Variants in PISD observed in about 807,000 individuals in gnomAD.
PISD encodes the protein phosphatidylserine decarboxylase.
Under a neutral mutation model 43.5 loss-of-function variants are expected in PISD, and 31 were observed. The observed-to-expected ratio is 0.71, with a 90% CI of 0.54 to 0.96. The LOEUF is 0.96. Among genes scored for constraint, PISD ranks in the 40% least tolerant of loss-of-function variants. The probability of loss-of-function intolerance (pLI) is 0.00; values close to 1 mark genes in which losing one functional copy is unlikely to be tolerated. For synonymous variants in PISD, 259 were observed against 228.7 expected (o/e 1.13, Z -1.20); for missense variants, 523 against 548.4 (o/e 0.95, Z 0.46).
chr22:31,641,099 C>T (rs1235545758), intron 3 of PISD, among the ~76,000 whole-genome samples: 1 of 150,170 alleles, frequency 6.7e-6, no homozygotes, highest in Non-Finnish European at 1.5e-5. Context: ...GTTGGTCGGG[C>T]TGGTCTTAAC....
intron 3 of PISD, chr22:31,625,890 G>A (rs973703476): frequency 1.7e-5 from 26 of 1,545,968 alleles, no homozygotes; most frequent in African/African-American, 4.1e-5. Context: ...CCCTTCCCCC[G>A]AGCCAGCAGA....
At chr22:31,626,116 CCA>C in intron 3 of PISD, 4 of 1,135,108 alleles carry the variant, frequency 3.5e-6, no homozygotes, top group Non-Finnish European at 4.7e-6. Flanking sequence ...CCCACTGTCC[CCA>C]GTCCTGGCCA....
At position 31,630,752 on chromosome 22, in the gene PISD, G is replaced by T. The variant is rs555615318; in HGVS notation, c.322-8867C>A. 1.7e-5 allele frequency: 17 copies of T among 985,602 alleles called. No homozygotes were observed. The South Asian group carries it at 8.0e-4, about 46-fold the overall frequency. 61.1% of individuals were successfully genotyped at this position (985,602 alleles called of 1,614,324 possible). ...CGGGCAGGGTGGGGCGCCTCCCTGA[G>T]AAGTCACCTGGGGCTCCCGGCAGGG... On this transcript the variant is annotated intron_variant, in intron 3 of 7. Transcript: ENST00000439502. The surrounding 1 kb of genome is among the most constrained non-coding windows in gnomAD (Gnocchi z 4.4).
Position 31,648,160 on chromosome 22 carries a change from C to G in PISD, c.262G>C (p.Glu88Gln). The G allele has an allele frequency of 6.2e-7, 1 of 1,612,608 alleles. No individual in the cohort carries two copies. The highest frequency in any genetic ancestry group is 8.5e-7 in the Non-Finnish European group (1 of 1,179,846). Residue 88 changes from glutamate to glutamine, a missense_variant, in exon 3 of 8, where the codon GAG (glutamate) becomes CAG (glutamine). Glu to Gln is a conservative substitution (Grantham distance 29, BLOSUM62 2). Transcript: ENST00000439502. ...AATCCCAGCTTCTCCAGCTCTCGCT[C>G]CCTGTACTTCTCATACTGCCGGTAC... ...AGYRQYEKYR[E>Q]RELEKLGLEI...
rs935949432 is a variant in PISD at position 31,619,260 on chromosome 22, A to C, written c.*352T>G. 1 of 354,660 alleles carries C rather than the reference A, an allele frequency of 2.8e-6. No individual in the cohort carries two copies. The highest frequency in any genetic ancestry group is 2.1e-5 in the African/African-American group (1 of 46,910). 22.0% of individuals were successfully genotyped at this position (354,660 alleles called of 1,614,324 possible). A position where few individuals can be genotyped will look rare whatever the true frequency, so the allele number is the denominator to read the frequency against. On this transcript the variant is annotated 3_prime_UTR_variant, in exon 8 of 8. Coordinates refer to ENST00000439502, the MANE Select transcript of PISD (RefSeq NM_001326411.2). Reference sequence around the variant, plus strand: ...CAGCTCAGGTGATGGGGGGAGGAGCAGCAAGAAAAAACGACAACCGAGACC... The same window carrying C: ...CAGCTCAGGTGATGGGGGGAGGAGCCGCAAGAAAAAACGACAACCGAGACC...
chr22:31,621,187 C>T, intron 5 of PISD, 45 bp from the exon 6 acceptor site: 1 of 1,613,654 alleles, frequency 6.2e-7, no homozygotes, highest in Non-Finnish European at 8.5e-7. Flanking sequence ...ACAGTGAGCA[C>T]CCAGCACGGA....
At chr22:31,650,217 C>T (rs62239170) in intron 2 of PISD, among the ~76,000 whole-genome samples, 3,696 of 152,224 alleles carry the variant, frequency 0.024, 49 homozygotes, top group Non-Finnish European at 0.037. Context: ...GTGGCTCAGG[C>T]CTGTAATGCC....
At chr22:31,647,466 C>T (rs1051644063) in intron 3 of PISD, among the ~76,000 whole-genome samples, 3 of 152,090 alleles carry the variant, frequency 2.0e-5, no homozygotes, top group African/African-American at 7.2e-5. Flanking sequence ...ATTACTGGTC[C>T]TTTGATATTT....
intron 3 of PISD, chr22:31,623,647 A>G (rs2147638247): frequency 3.8e-6 from 6 of 1,587,368 alleles, no homozygotes; most frequent in Non-Finnish European, 4.3e-6. Context: ...CCTGCCCGGA[A>G]GGGAGGTCCG....
chr22:31,648,541 G>A lies in PISD; in HGVS notation c.146-265C>T, dbSNP rs369897395. On this transcript the variant is annotated intron_variant, in intron 2 of 7. Transcript: ENST00000439502. ...AAAACTTAGCCGGGCACAGTGGCGG[G>A]CGCCTGTAGTCCCAGCTACTCGGGA... Among the ~76,000 whole-genome samples, 22 of 152,070 alleles carry A rather than the reference G, an allele frequency of 1.4e-4. No individual in the cohort carries two copies. The East Asian group carries it at 4.1e-3, about 28-fold the overall frequency.
chr22:31,650,519 A>T (rs1449531252), intron 2 of PISD, among the ~76,000 whole-genome samples, 180 bp downstream of exon 2: 1 of 145,860 alleles, frequency 6.9e-6, no homozygotes, highest in Non-Finnish European at 1.5e-5. Context: ...ACAGAGCAAG[A>T]CTGTCTCAAA....
At chr22:31,625,958 C>A in intron 3 of PISD, 1 of 1,480,186 alleles carries the variant, frequency 6.8e-7, no homozygotes, top group Non-Finnish European at 9.0e-7. Flanking sequence ...TTGGTGGCGC[C>A]GCTTCCTGGG....
At chr22:31,659,662 G>C (rs2074267355) in intron 1 of PISD, among the ~76,000 whole-genome samples, 3 of 151,980 alleles carry the variant, frequency 2.0e-5, no homozygotes, top group African/African-American at 7.3e-5. Context: ...CGTGATCTCG[G>C]CTCACTGCAA....
In PISD at chr22:31,619,574, G is replaced by GAA. The variant is rs1405530845; in HGVS notation, c.*36_*37dup. On this transcript the variant is annotated 3_prime_UTR_variant, in exon 8 of 8. Coordinates refer to ENST00000439502, the MANE Select transcript of PISD (RefSeq NM_001326411.2). ...CTTGAAAAGACCCTCACTCTGTTTG[G>GAA]AAAAGATCCCTTAGCAGCCATAATC... 1.3e-6 allele frequency: 2 copies of GAA among 1,556,352 alleles called. No individual in the cohort carries two copies. The highest frequency in any genetic ancestry group is 1.8e-6 in the Non-Finnish European group (2 of 1,128,732).
intron 1 of PISD, among the ~76,000 whole-genome samples, chr22:31,659,878 G>A (rs1423222119): frequency 6.6e-6 from 1 of 151,990 alleles, no homozygotes; most frequent in African/African-American, 2.4e-5. Context: ...CACCGTGCCC[G>A]GCTTTGTTTT....
At position 31,658,753 on chromosome 22, in the gene PISD, G is replaced by A. The variant is rs1016964536; in HGVS notation, c.65+3391C>T. On this transcript the variant is annotated intron_variant, in intron 1 of 7. Transcript: ENST00000439502. ...TCACTATGTTGCTCAGGTTGGTCTC[G>A]AACTCTTGGGCTCAAGCAATTCTCC... Among the ~76,000 whole-genome samples, 9 of 151,808 alleles carry A rather than the reference G, an allele frequency of 5.9e-5. No homozygotes were observed. In the South Asian group the frequency reaches 1.5e-3, roughly 25 times the overall value.
rs756516965 is a variant in PISD, at chr22:31,650,786, C to G, written c.66-8G>C. ...ATCTCACAGGGATGGAGGCTATAACCAAGCAAAAATGAACCATTAAATATT... is the reference window on the plus strand; with the variant it reads ...ATCTCACAGGGATGGAGGCTATAACGAAGCAAAAATGAACCATTAAATATT... On this transcript the variant is annotated splice_polypyrimidine_tract_variant and splice_region_variant and intron_variant, in intron 1 of 7. Transcript: ENST00000439502. The G allele has an allele frequency of 6.6e-7, 1 of 1,525,080 alleles. No homozygotes were observed. Among genetic ancestry groups the G allele is most frequent in the South Asian group, 1.2e-5 (1 of 81,690 alleles). 94.5% of individuals were successfully genotyped at this position (1,525,080 alleles called of 1,614,324 possible).
intron 1 of PISD, among the ~76,000 whole-genome samples, chr22:31,659,740 C>T (rs946620086): frequency 1.1e-4 from 16 of 152,016 alleles, no homozygotes; most frequent in African/African-American, 2.9e-4. Context: ...TACAGACACA[C>T]GCCACCACAC....
intron 3 of PISD, chr22:31,629,585 T>C (rs1428721511): frequency 1.0e-5 from 1 of 96,602 alleles, no homozygotes; most frequent in African/African-American, 4.1e-5. Context: ...TGTATGGGTG[T>C]GTAGGTGCAA....
Sources: allele counts gnomAD v4.1 joint callset (sites outside exome capture counted in the v4.1 genomes callset), GRCh38; gene constraint gnomAD v4.1.1; non-coding constraint Gnocchi (gnomAD v3.1); transcripts MANE v1.5; gene names NCBI Gene and HGNC (gene_info 2026-07-23, HGNC 2026-07-21).